The following FMNL3 variants were observed in gnomAD, a reference collection of about 807,000 sequenced individuals.
FMNL3 encodes formin like 3, also known as formin-like protein 3.
A neutral mutation model predicts 119.6 loss-of-function variants in FMNL3; 57 were observed. That is an observed-to-expected ratio of 0.48 (90% CI 0.39 to 0.59). The LOEUF is 0.59. FMNL3 is among the 20% of genes least tolerant of loss of function. The pLI is 0.00. For missense variants in FMNL3, 1,053 were observed against 1,323.5 expected (o/e 0.80, Z 3.17); for synonymous variants, 491 against 507.3 (o/e 0.97, Z 0.43).
At chr12:49,656,299 A>G in intron 9 of FMNL3, 105 bp downstream of exon 9, 3 of 803,384 alleles carry the variant, frequency 3.7e-6, no homozygotes, top group Non-Finnish European at 5.9e-6. Flanking sequence ...AAGCATTGGG[A>G]TGTTAAAAAT....
chr12:49,672,355 C>A (rs1407390891), intron 1 of FMNL3, among the ~76,000 whole-genome samples: 1 of 152,074 alleles, frequency 6.6e-6, no homozygotes, highest in African/African-American at 2.4e-5. Context: ...CCAAAACAGT[C>A]ACAATAGGAG....
chr12:49,643,816 A>C lies in FMNL3; in HGVS notation c.*1999T>G, dbSNP rs546205526. On this transcript the variant is annotated 3_prime_UTR_variant, in exon 26 of 26. Transcript: ENST00000335154. ...GTGAGTTCTGTTCTACCTGCCTCCCAGGCTATCCACAGGAACTGAGGAGGT... is the reference window on the plus strand; with the variant it reads ...GTGAGTTCTGTTCTACCTGCCTCCCCGGCTATCCACAGGAACTGAGGAGGT... 83 of 1,613,916 alleles carry C rather than the reference A, an allele frequency of 5.1e-5. 1 individual carries two copies. The South Asian group carries it at 8.8e-4, about 17-fold the overall frequency.
Position 49,656,457 on chromosome 12 carries a change from A to G in FMNL3, c.832T>C (p.Leu278=), listed in dbSNP as rs1259829686. 6.2e-7 allele frequency: 1 copy of G among 1,614,084 alleles called. No homozygotes were observed. The highest frequency in any genetic ancestry group is 1.1e-5 in the South Asian group (1 of 91,076). Reference sequence around the variant, plus strand: ...ATGATTTCGTGACCTCCTCGCACCAAACACACAGCTGCCAGAAGCTCTAAG... The same window carrying G: ...ATGATTTCGTGACCTCCTCGCACCAGACACACAGCTGCCAGAAGCTCTAAG... ...LVLELLAAVC[L]VRGGHEIILA... Residue 278 remains leucine, a synonymous_variant, in exon 9 of 26, where the codon TTG becomes CTG. Coordinates refer to ENST00000335154, the MANE Select transcript of FMNL3 (RefSeq NM_175736.5).
At chr12:49,659,637 A>C in intron 5 of FMNL3, 1 of 414,184 alleles carries the variant, frequency 2.4e-6, no homozygotes, top group South Asian at 1.0e-4. Flanking sequence ...TGGTCTTAAA[A>C]CTCCTGGGCT....
intron 1 of FMNL3, among the ~76,000 whole-genome samples, chr12:49,679,216 C>T (rs182432379): frequency 6.6e-5 from 10 of 152,222 alleles, no homozygotes; most frequent in African/African-American, 2.4e-4. Flanking sequence ...TGGAACTTGC[C>T]CCGCATCACA....
At chr12:49,658,186 G>A (rs1321095842) in intron 6 of FMNL3, among the ~76,000 whole-genome samples, 2 of 152,220 alleles carry the variant, frequency 1.3e-5, no homozygotes, top group East Asian at 1.9e-4. Flanking sequence ...CCCCCAGAGA[G>A]GGGTGAGGAA....
chr12:49,671,542 T>C (rs1295019635), intron 1 of FMNL3, among the ~76,000 whole-genome samples: 2 of 152,192 alleles, frequency 1.3e-5, no homozygotes, highest in Non-Finnish European at 2.9e-5. Flanking sequence ...CAAGGGGGCA[T>C]AAACCAGAGC....
At chr12:49,654,044 G>C (rs1285256940) in intron 11 of FMNL3, 148 bp downstream of exon 11, 1 of 1,140,392 alleles carries the variant, frequency 8.8e-7, no homozygotes, top group Non-Finnish European at 1.2e-6. Flanking sequence ...TGGGGAGTTA[G>C]CTGCAGAGGT....
intron 10 of FMNL3, among the ~76,000 whole-genome samples, chr12:49,654,534 T>C (rs1294719805): frequency 6.6e-6 from 1 of 152,170 alleles, no homozygotes; most frequent in East Asian, 1.9e-4. Flanking sequence ...TAAGTGAAGA[T>C]ATAGCTATCT....
Position 49,651,369 on chromosome 12 carries a change from TG to T in FMNL3, c.1672+12del, listed in dbSNP as rs753765125. The T allele has an allele frequency of 6.3e-7, 1 of 1,575,582 alleles. No homozygotes were observed. Among genetic ancestry groups the T allele is most frequent in the African/African-American group, 1.3e-5 (1 of 74,300 alleles). On this transcript the variant is annotated intron_variant, in intron 15 of 25. Transcript: ENST00000335154. ...GTCCCACCAGCCCTGCCCAGAGCCC[TG>T]GGGATACTCACCTGACAGGCCCACT...
At position 49,645,498 on chromosome 12, in the gene FMNL3, G is replaced by A; in HGVS notation, c.*317C>T. ...TTGCTCTCTCCTCTCATCCCTCTGG[G>A]CTCTAGTGGGAGAGATCTATGTGCC... On this transcript the variant is annotated 3_prime_UTR_variant, in exon 26 of 26. Coordinates refer to ENST00000335154, the MANE Select transcript of FMNL3 (RefSeq NM_175736.5). The A allele has an allele frequency of 3.0e-6, 1 of 328,658 alleles. No individual in the cohort carries two copies. Among genetic ancestry groups the A allele is most frequent in the Non-Finnish European group, 5.5e-6 (1 of 180,614 alleles). The allele number at this position is 328,658 out of a possible 1,614,324, so 20.4% of individuals were successfully genotyped here.
Position 49,647,795 on chromosome 12 carries a change from T to C in FMNL3, c.2686A>G (p.Asn896Asp), listed in dbSNP as rs895771906. Residue 896 changes from asparagine to aspartate, a missense_variant, in exon 23 of 26, where the codon AAT becomes GAT. Physicochemically the swap from Asn to Asp is conservative, Grantham distance 23. Coordinates refer to ENST00000335154, the MANE Select transcript of FMNL3 (RefSeq NM_175736.5). This position sits in a 1 kb window ranked among gnomAD's most constrained non-coding sequence, Gnocchi z 4.9. ...RDAKTAEEAYNAVVRYFGESP... is the reference protein window; with the variant it reads ...RDAKTAEEAYDAVVRYFGESP... ...TCGCCAAAGTAGCGCACAACTGCAT[T>C]GTAGGCCTCCTGGGGAAGGGGTGGG... 1 of 1,613,914 alleles carries C rather than the reference T, an allele frequency of 6.2e-7. No homozygotes were observed. The highest frequency in any genetic ancestry group is 1.1e-5 in the South Asian group (1 of 91,078).
chr12:49,694,478 G>C (rs979500392), intron 1 of FMNL3, among the ~76,000 whole-genome samples: 1 of 152,100 alleles, frequency 6.6e-6, no homozygotes, highest in South Asian at 2.1e-4. Flanking sequence ...GGTGAGGTGG[G>C]GGAGTTAGAG....
chr12:49,642,215 C>G lies in FMNL3; in HGVS notation c.*3600G>C. ...TCCACCCTCCTGGGTGACCCTGTTC[C>G]GTGTCCCTTCTTTCCTCAGCTGCTG... On this transcript the variant is annotated 3_prime_UTR_variant, in exon 26 of 26. Coordinates refer to ENST00000335154, the MANE Select transcript of FMNL3 (RefSeq NM_175736.5). The surrounding 1 kb of genome is among the most constrained non-coding windows in gnomAD (Gnocchi z 5.8). 2 of 1,614,084 alleles carry G rather than the reference C, an allele frequency of 1.2e-6. No individual in the cohort carries two copies. The highest frequency in any genetic ancestry group is 1.7e-6 in the Non-Finnish European group (2 of 1,179,992).
At position 49,642,948 on chromosome 12, in the gene FMNL3, C is replaced by T; in HGVS notation, c.*2867G>A. ...CTAGCAGACTGAATGCCAGCACCTC[C>T]ACACCAAAGGCCGAAAGCATGGCAG... On this transcript the variant is annotated 3_prime_UTR_variant, in exon 26 of 26. Coordinates refer to ENST00000335154, the MANE Select transcript of FMNL3 (RefSeq NM_175736.5). The surrounding 1 kb of genome is among the most constrained non-coding windows in gnomAD (Gnocchi z 5.8). 2 of 1,613,622 alleles carry T rather than the reference C, an allele frequency of 1.2e-6. No individual in the cohort carries two copies. Among genetic ancestry groups the T allele is most frequent in the African/African-American group, 1.3e-5 (1 of 75,038 alleles).
chr12:49,696,344 C>T (rs1944749493), intron 1 of FMNL3, among the ~76,000 whole-genome samples: 1 of 152,142 alleles, frequency 6.6e-6, no homozygotes, highest in African/African-American at 2.4e-5. Context: ...ACTCAAACTC[C>T]ACAGGCCCCA....
rs975882179 is a variant in FMNL3 at position 49,653,288 on chromosome 12, T to G, written c.1261A>C (p.Met421Leu). ...KLLDLENENM[M>L]RVAELEKQLL... ...TGCTTCTCTAGTTCTGCCACCCGCATCATGTTTTCATTCTCTAGGTCCAGA... is the reference window on the plus strand; with the variant it reads ...TGCTTCTCTAGTTCTGCCACCCGCAGCATGTTTTCATTCTCTAGGTCCAGA... Residue 421 changes from methionine to leucine, a missense_variant, in exon 13 of 26, where the codon ATG (methionine) becomes CTG (leucine). Physicochemically the swap from Met to Leu is conservative, Grantham distance 15. Around this residue, in one of 4 missense-constraint regions of FMNL3, gnomAD observed 445 missense variants for 628.4 expected, o/e 0.71. Coordinates refer to ENST00000335154, the MANE Select transcript of FMNL3 (RefSeq NM_175736.5). 3.4e-5 allele frequency: 55 copies of G among 1,614,014 alleles called. No individual in the cohort carries two copies. The highest frequency in any genetic ancestry group is 4.5e-5 in the Non-Finnish European group (53 of 1,180,034).
rs1942904966 is a variant in FMNL3, at chr12:49,643,212, G to C, written c.*2603C>G. 2 of 1,613,926 alleles carry C rather than the reference G, an allele frequency of 1.2e-6. No homozygotes were observed. The highest frequency in any genetic ancestry group is 1.7e-6 in the Non-Finnish European group (2 of 1,179,968). ...ACCTCTGCACTGACATGTATCTGCT[G>C]ATCTGCCCAGGGCTCTGAGTCAGAA... On this transcript the variant is annotated 3_prime_UTR_variant, in exon 26 of 26. Transcript: ENST00000335154.
rs779652664 is a variant in FMNL3, at chr12:49,647,667, G to A, written c.2778+36C>T. The A allele has an allele frequency of 4.8e-5, 76 of 1,584,966 alleles. No individual in the cohort carries two copies. The highest frequency in any genetic ancestry group is 6.2e-5 in the Non-Finnish European group (72 of 1,154,328). ...CTTCTCTCCCCCAGCCAGTTTTCTCGCAACCAAACTTCTTAAAAAGCTCTC... is the reference window on the plus strand; with the variant it reads ...CTTCTCTCCCCCAGCCAGTTTTCTCACAACCAAACTTCTTAAAAAGCTCTC... On this transcript the variant is annotated intron_variant, in intron 23 of 25. Transcript: ENST00000335154. This position sits in a 1 kb window ranked among gnomAD's most constrained non-coding sequence, Gnocchi z 4.9.
Sources: allele counts gnomAD v4.1 joint callset (sites outside exome capture counted in the v4.1 genomes callset), GRCh38; gene constraint gnomAD v4.1.1; regional missense constraint gnomAD v4.1.1; non-coding constraint Gnocchi (gnomAD v3.1); transcripts MANE v1.5; gene names NCBI Gene and HGNC (gene_info 2026-07-23, HGNC 2026-07-21).